SPIRE1: variants seen among roughly 807,000 people sequenced by gnomAD.
SPIRE1 encodes the protein spire type actin nucleation factor 1, also known as protein spire homolog 1.
A neutral mutation model predicts 94.1 loss-of-function variants in SPIRE1; 40 were observed. The ratio of observed to expected loss-of-function variants is 0.43; its 90% CI spans 0.33 to 0.55. The LOEUF (loss-of-function observed/expected upper bound fraction) is 0.55, where lower values mean the gene tolerates loss of function less well. Ranked by LOEUF, SPIRE1 falls within the 20% of genes least tolerant of loss-of-function variation. The pLI is 0.06. For synonymous variants in SPIRE1, 376 were observed against 371.7 expected (o/e 1.01, Z -0.13); for missense variants, 838 against 975.2 (o/e 0.86, Z 1.87).
At chr18:12,468,301 C>T (rs2032205372) in intron 10 of SPIRE1, among the ~76,000 whole-genome samples, 1 of 152,208 alleles carries the variant, frequency 6.6e-6, no homozygotes, top group African/African-American at 2.4e-5. Context: ...TGCAGCCCAG[C>T]ACTGGCCACA....
At chr18:12,565,406 G>T (rs148060261) in intron 2 of SPIRE1, among the ~76,000 whole-genome samples, 6 of 151,904 alleles carry the variant, frequency 3.9e-5, no homozygotes, top group African/African-American at 1.5e-4. Flanking sequence ...AAGGAGCCTC[G>T]CTCTGTCGCC....
At chr18:12,527,491 C>T (rs1354618168) in intron 4 of SPIRE1, among the ~76,000 whole-genome samples, 2 of 152,226 alleles carry the variant, frequency 1.3e-5, no homozygotes, top group East Asian at 3.9e-4. Context: ...GTTGTCTGGG[C>T]TTAGAGCTGC....
At chr18:12,472,678 CG>C (rs202244065) in intron 10 of SPIRE1, among the ~76,000 whole-genome samples, 16 of 145,004 alleles carry the variant, frequency 1.1e-4, no homozygotes, top group Non-Finnish European at 2.1e-4. Flanking sequence ...CTTTTTTTTG[CG>C]GGGGGGGACT....
At chr18:12,591,968 CAAAAAAAAAA>C (rs35668057) in intron 2 of SPIRE1, among the ~76,000 whole-genome samples, 2 of 67,434 alleles carry the variant, frequency 3.0e-5, no homozygotes, top group Non-Finnish European at 5.6e-5. Context: ...GACTCCATCT[CAAAAAAAAAA>C]AAAAAAAAAA....
rs536929194 is a variant in SPIRE1 at position 12,600,887 on chromosome 18, T to G, written c.372+34175A>C. On this transcript the variant is annotated intron_variant, in intron 2 of 16. Coordinates refer to ENST00000409402, the MANE Select transcript of SPIRE1 (RefSeq NM_001128626.2). ...CACAGTGTACGCAACCACACCCAAC[T>G]AATTTTTGTGTTTTTGTAGAGATGA... 1.9e-4 allele frequency among the ~76,000 whole-genome samples: 29 copies of G among 152,050 alleles called. No individual in the cohort carries two copies. In the South Asian group the frequency reaches 4.0e-3, roughly 21 times the overall value.
At chr18:12,630,556 G>A (rs1487150215) in intron 2 of SPIRE1, among the ~76,000 whole-genome samples, 1 of 152,224 alleles carries the variant, frequency 6.6e-6, no homozygotes, top group East Asian at 1.9e-4. Context: ...CTACTCAGGA[G>A]GCTGAGGCAG....
intron 1 of SPIRE1, among the ~76,000 whole-genome samples, chr18:12,656,221 G>GT (rs1476579925): frequency 6.6e-6 from 1 of 150,696 alleles, no homozygotes; most frequent in Non-Finnish European, 1.5e-5. Context: ...TTTTATAAAT[G>GT]TATCTTTTGT....
chr18:12,507,297 C>A (rs1328918100), intron 5 of SPIRE1, among the ~76,000 whole-genome samples: 6 of 152,176 alleles, frequency 3.9e-5, no homozygotes, highest in Non-Finnish European at 5.9e-5. Context: ...TGACACGGAG[C>A]AAGTTGCTGC....
chr18:12,539,742 T>C (rs922349051), intron 3 of SPIRE1, among the ~76,000 whole-genome samples: 1 of 151,564 alleles, frequency 6.6e-6, no homozygotes, highest in Non-Finnish European at 1.5e-5. Context: ...CTGACCAACA[T>C]AGTGAAACCC....
intron 3 of SPIRE1, among the ~76,000 whole-genome samples, chr18:12,536,544 T>C (rs748444896): frequency 1.3e-5 from 2 of 151,340 alleles, no homozygotes; most frequent in Non-Finnish European, 2.9e-5. Flanking sequence ...GGAAAACATA[T>C]GGACCTCAGG....
intron 9 of SPIRE1, among the ~76,000 whole-genome samples, chr18:12,480,382 TTA>T (rs1418943369): frequency 4.6e-5 from 7 of 152,166 alleles, no homozygotes; most frequent in African/African-American, 1.7e-4. Context: ...ATTTATATTA[TTA>T]AGAGCTCAAA....
upstream of SPIRE1, among the ~76,000 whole-genome samples, chr18:12,661,135 C>T (rs949111148): frequency 1.3e-5 from 2 of 151,670 alleles, no homozygotes; most frequent in Admixed American, 1.3e-4. Flanking sequence ...TGGCAAAAAC[C>T]TGTCTCTACT....
Position 12,657,698 on chromosome 18 carries a change from G to C in SPIRE1, c.169C>G (p.Gln57Glu). 2 of 1,406,652 alleles carry C rather than the reference G, an allele frequency of 1.4e-6. No individual in the cohort carries two copies. The highest frequency in any genetic ancestry group is 1.9e-6 in the Non-Finnish European group (2 of 1,073,350). The allele number at this position is 1,406,652 out of a possible 1,614,324, so 87.1% of individuals were successfully genotyped here. ...CACTGGTAGCACACGGCCCACGCCT[G>C]CTCCTCGTTGATGGGCTGGTTGTAC... ...RLYNQPINEEQAWAVCYQCCG... is the reference protein window; with the variant it reads ...RLYNQPINEEEAWAVCYQCCG... The change falls in exon 1 of 17, where the codon CAG (glutamine) becomes GAG (glutamate). Residue 57 changes from glutamine to glutamate, a missense_variant. By Grantham distance (29) the Gln-to-Glu change is conservative. Around this residue, in one of 2 missense-constraint regions of SPIRE1, gnomAD observed 193 missense variants for 170.5 expected, o/e 1.13. Transcript: ENST00000409402.
At chr18:12,476,565 ATATATAT>A (rs376474030) in intron 10 of SPIRE1, among the ~76,000 whole-genome samples, 3 of 55,710 alleles carry the variant, frequency 5.4e-5, no homozygotes, top group African/African-American at 8.1e-5. Context: ...AAAAAAAAAA[ATATATAT>A]ATATATATAT....
chr18:12,543,161 G>C (rs541132590), intron 3 of SPIRE1, among the ~76,000 whole-genome samples: 1 of 152,226 alleles, frequency 6.6e-6, no homozygotes, highest in Admixed American at 6.5e-5. Flanking sequence ...CAAATATTCT[G>C]CATCTCCTAG....
At chr18:12,525,120 CA>C (rs2034470493) in intron 4 of SPIRE1, among the ~76,000 whole-genome samples, 1 of 150,814 alleles carries the variant, frequency 6.6e-6, no homozygotes, top group African/African-American at 2.4e-5. Context: ...ACTAAAAATA[CA>C]AAAAAATTAG....
At chr18:12,459,709 G>T in intron 12 of SPIRE1, 1 of 972,408 alleles carries the variant, frequency 1.0e-6, no homozygotes, top group Non-Finnish European at 1.2e-6. Context: ...CACCGTCAGA[G>T]ATACAGAGAA....
At chr18:12,501,388 T>G (rs1192702797) in intron 6 of SPIRE1, among the ~76,000 whole-genome samples, 1 of 152,052 alleles carries the variant, frequency 6.6e-6, no homozygotes, top group Admixed American at 6.6e-5. Context: ...AGACTTTTTT[T>G]GTTTGTTTGT....
At chr18:12,519,447 T>C (rs494080) in intron 4 of SPIRE1, among the ~76,000 whole-genome samples, 1 of 152,298 alleles carries the variant, frequency 6.6e-6, no homozygotes, top group African/African-American at 2.4e-5. Context: ...GGACTGACTC[T>C]GCTCTACATA....
Sources: allele counts gnomAD v4.1 joint callset (sites outside exome capture counted in the v4.1 genomes callset), GRCh38; gene constraint gnomAD v4.1.1; regional missense constraint gnomAD v4.1.1; transcripts MANE v1.5; gene names NCBI Gene and HGNC (gene_info 2026-07-23, HGNC 2026-07-21).